The following FSTL4 variants were observed in gnomAD, a reference collection of about 807,000 sequenced individuals.
The protein encoded by FSTL4 is follistatin like 4.
In FSTL4, 28 loss-of-function variants were observed where a neutral mutation model predicts 78.2. The observed-to-expected ratio is 0.36, with a 90% CI of 0.27 to 0.49. The LOEUF is 0.49. FSTL4 is among the 20% of genes least tolerant of loss of function. FSTL4 has a pLI of 0.98. For missense variants in FSTL4, 922 were observed against 1,084.9 expected, an observed-to-expected ratio of 0.85 and a Z score of 2.11; for synonymous variants, 422 against 440.5, an observed-to-expected ratio of 0.96 and a Z score of 0.53.
intron 3 of FSTL4, among the ~76,000 whole-genome samples, chr5:133,566,835 A>AT (rs1006036814): frequency 5.3e-5 from 8 of 152,190 alleles, no homozygotes; most frequent in Non-Finnish European, 1.0e-4. Flanking sequence ...ACCATAGGCC[A>AT]TTTTTTGTGT....
chr5:133,737,092 TA>T, the FSTL4 span, among the ~76,000 whole-genome samples: 1 of 152,170 alleles, frequency 6.6e-6, no homozygotes, highest in Non-Finnish European at 1.5e-5. Flanking sequence ...TTATGTTCTT[TA>T]AATTATTTTA....
At chr5:133,228,815 A>G (rs956570569) in intron 8 of FSTL4, among the ~76,000 whole-genome samples, 2 of 152,254 alleles carry the variant, frequency 1.3e-5, no homozygotes, top group Non-Finnish European at 2.9e-5. Context: ...ATGGTGAAAC[A>G]TTAATTTGGG....
At chr5:133,410,812 G>A (rs998702015) in intron 3 of FSTL4, among the ~76,000 whole-genome samples, 1 of 152,164 alleles carries the variant, frequency 6.6e-6, no homozygotes, top group African/African-American at 2.4e-5. Context: ...CTCCTCTCAA[G>A]GATCTGCCCT....
At chr5:133,661,252 A>T in the FSTL4 span, among the ~76,000 whole-genome samples, 1 of 152,220 alleles carries the variant, frequency 6.6e-6, no homozygotes, top group Admixed American at 6.5e-5. Flanking sequence ...AGCCTCCCAA[A>T]GTGCCGGGAT....
At chr5:133,502,982 T>C (rs1000147724) in intron 3 of FSTL4, among the ~76,000 whole-genome samples, 1 of 152,148 alleles carries the variant, frequency 6.6e-6, no homozygotes, top group Non-Finnish European at 1.5e-5. Context: ...TCCAGAAACT[T>C]TAAGACAATA....
the FSTL4 span, among the ~76,000 whole-genome samples, chr5:133,837,537 T>G: frequency 2.6e-5 from 4 of 152,104 alleles, no homozygotes; most frequent in South Asian, 6.2e-4. Flanking sequence ...AGGGTTCATG[T>G]TTGTTTCTGG....
At chr5:133,202,937 G>A (rs1750377626) in intron 14 of FSTL4, among the ~76,000 whole-genome samples, 1 of 152,226 alleles carries the variant, frequency 6.6e-6, no homozygotes. Flanking sequence ...AAGCCAGGTG[G>A]TGTGTGAAGT....
the FSTL4 span, among the ~76,000 whole-genome samples, chr5:133,710,570 C>G: frequency 6.6e-6 from 1 of 152,196 alleles, no homozygotes; most frequent in Non-Finnish European, 1.5e-5. Flanking sequence ...TGGGATTTGG[C>G]AGTTACCCAG....
intron 3 of FSTL4, among the ~76,000 whole-genome samples, chr5:133,523,588 T>C (rs1054105363): frequency 6.6e-6 from 1 of 152,214 alleles, no homozygotes; most frequent in Non-Finnish European, 1.5e-5. Context: ...ATGTAACATT[T>C]GTGAATCTTG....
the FSTL4 span, among the ~76,000 whole-genome samples, chr5:133,815,677 C>T: frequency 5.9e-4 from 90 of 152,236 alleles, no homozygotes; most frequent in African/African-American, 2.1e-3. Context: ...ATTAGGGGTA[C>T]GGTTTGGGAA....
intron 2 of FSTL4, among the ~76,000 whole-genome samples, chr5:133,596,074 G>A (rs758911238): frequency 2.6e-5 from 4 of 152,232 alleles, no homozygotes; most frequent in African/African-American, 4.8e-5. Context: ...AGTTAACAGG[G>A]TTCTATGGTG....
At chr5:133,273,517 T>C (rs1419567788) in intron 6 of FSTL4, among the ~76,000 whole-genome samples, 1 of 152,156 alleles carries the variant, frequency 6.6e-6, no homozygotes, top group Non-Finnish European at 1.5e-5. Context: ...AGGGAGCTAC[T>C]TGGGGTCAGG....
At chr5:133,648,403 T>C in the FSTL4 span, among the ~76,000 whole-genome samples, 1 of 152,214 alleles carries the variant, frequency 6.6e-6, no homozygotes, top group Non-Finnish European at 1.5e-5. Context: ...AAGGAGGGTA[T>C]CCCTTGACTA....
the FSTL4 span, among the ~76,000 whole-genome samples, chr5:133,657,177 G>A: frequency 6.6e-6 from 1 of 152,294 alleles, no homozygotes; most frequent in South Asian, 2.1e-4. Context: ...ACGCTGTGCT[G>A]TAACCCCTCC....
intron 3 of FSTL4, among the ~76,000 whole-genome samples, chr5:133,412,116 T>C (rs1756489028): frequency 6.6e-6 from 1 of 152,174 alleles, no homozygotes; most frequent in South Asian, 2.1e-4. Context: ...TACACAAATT[T>C]AATGCAATCA....
chr5:133,271,153 G>A (rs115084821), intron 6 of FSTL4, among the ~76,000 whole-genome samples: 2 of 152,168 alleles, frequency 1.3e-5, no homozygotes, highest in Non-Finnish European at 2.9e-5. Context: ...GATTCCTTTC[G>A]ATGGCTCTTA....
intron 2 of FSTL4, among the ~76,000 whole-genome samples, chr5:133,602,933 T>C (rs7725926): frequency 0.25 from 37,881 of 152,092 alleles, 4,895 homozygotes; most frequent in East Asian, 0.28. Context: ...TCTCTGGGAA[T>C]GTTGACTTTT....
At chr5:133,297,134 T>G (rs987376605) in intron 6 of FSTL4, among the ~76,000 whole-genome samples, 3 of 152,212 alleles carry the variant, frequency 2.0e-5, no homozygotes, top group Non-Finnish European at 4.4e-5. Context: ...TCATGTCAAA[T>G]AGTGTTACCA....
At chr5:133,246,906 T>C (rs1279925090) in intron 7 of FSTL4, 1 of 152,236 alleles carries the variant, frequency 6.6e-6, no homozygotes. Context: ...TGGAACCCTA[T>C]GAGGCTGGTA....
Sources: allele counts gnomAD v4.1 joint callset (sites outside exome capture counted in the v4.1 genomes callset), GRCh38; gene constraint gnomAD v4.1.1; transcripts MANE v1.5; gene names NCBI Gene and HGNC (gene_info 2026-07-23, HGNC 2026-07-21).